Variants in ERMARD observed in about 807,000 individuals in gnomAD.
The protein encoded by ERMARD is endoplasmic reticulum membrane-associated RNA degradation protein.
In ERMARD, 71 loss-of-function variants were observed where a neutral mutation model predicts 83.9. That is an observed-to-expected ratio of 0.85 (90% CI 0.70 to 1.03). The LOEUF (loss-of-function observed/expected upper bound fraction) is 1.03. Ranked by LOEUF, ERMARD falls within the 50% of genes least tolerant of loss-of-function variation. The pLI is 0.00. For missense variants in ERMARD, 838 were observed against 810.9 expected (o/e 1.03, Z -0.41); for synonymous variants, 284 against 298.6 (o/e 0.95, Z 0.50).
At chr6:169,781,218 T>A in intron 17 of ERMARD, 112 bp from the exon 18 acceptor site, 1 of 949,316 alleles carries the variant, frequency 1.1e-6, no homozygotes, top group Non-Finnish European at 1.5e-6. Flanking sequence ...TCCTCAGACA[T>A]AAATTAACTG....
At chr6:169,756,223 G>T in intron 3 of ERMARD, 115 bp from the exon 4 acceptor site, 1 of 515,032 alleles carries the variant, frequency 1.9e-6, no homozygotes. Context: ...CTTATTCACT[G>T]AAAATAAAAT....
At chr6:169,773,064 C>T in intron 12 of ERMARD, 1 of 390,610 alleles carries the variant, frequency 2.6e-6, no homozygotes, top group Non-Finnish European at 4.5e-6. Context: ...TATTCATCTC[C>T]AGTTTTGTGC....
At chr6:169,757,955 C>G (rs903525098) in intron 5 of ERMARD, among the ~76,000 whole-genome samples, 2 of 152,250 alleles carry the variant, frequency 1.3e-5, no homozygotes, top group African/African-American at 2.4e-5. Flanking sequence ...GTGGCCCCTT[C>G]AGCTGCCAGG....
chr6:169,767,730 G>A, intron 10 of ERMARD: 1 of 247,080 alleles, frequency 4.0e-6, no homozygotes, highest in Non-Finnish European at 7.8e-6. Flanking sequence ...ACACACACAG[G>A]CATACACACA....
intron 3 of ERMARD, 165 bp downstream of exon 3, chr6:169,755,587 G>T: frequency 1.3e-6 from 1 of 757,656 alleles, no homozygotes; most frequent in Admixed American, 3.3e-5. Flanking sequence ...GGTCTCCAAA[G>T]CCTGAGCTGA....
chr6:169,756,691 T>C lies in ERMARD; in HGVS notation c.418-28T>C, dbSNP rs560874306. On this transcript the variant is annotated intron_variant, in intron 4 of 17. Coordinates refer to ENST00000366773, the MANE Select transcript of ERMARD (RefSeq NM_018341.3). ...AATGTTTATTGGCTCATAATACAAC[T>C]GTTACACAATTTTTGTTTGAATTTT... 1.6e-5 allele frequency: 25 copies of C among 1,584,024 alleles called. No individual in the cohort carries two copies. The East Asian group carries it at 5.1e-4, about 33-fold the overall frequency.
intron 13 of ERMARD, 151 bp from the exon 14 acceptor site, chr6:169,775,119 G>A (rs1462605645): frequency 2.5e-6 from 2 of 792,482 alleles, no homozygotes; most frequent in Non-Finnish European, 4.0e-6. Flanking sequence ...TGAATGTACT[G>A]AAGAACTGAC....
Position 169,758,858 on chromosome 6 carries a change from C to T in ERMARD, c.508-110C>T, listed in dbSNP as rs1051667621. ...TTTTATTATTACTGCTATATACTAG[C>T]CAAAACTGTTGACTCTCAGTTAAAA... On this transcript the variant is annotated intron_variant, in intron 5 of 17. Coordinates refer to ENST00000366773, the MANE Select transcript of ERMARD (RefSeq NM_018341.3). 18 of 955,410 alleles carry T rather than the reference C, an allele frequency of 1.9e-5. No homozygotes were observed. In the African/African-American group the frequency reaches 2.3e-4, roughly 12 times the overall value. 59.2% of individuals were successfully genotyped at this position (955,410 alleles called of 1,614,324 possible).
At chr6:169,773,213 G>A in intron 12 of ERMARD, 106 bp from the exon 13 acceptor site, 1 of 878,920 alleles carries the variant, frequency 1.1e-6, no homozygotes, top group East Asian at 2.5e-5. Context: ...AGAATTATTT[G>A]AAGAAAGATA....
At position 169,755,265 on chromosome 6, in the gene ERMARD, G is replaced by A. The variant is rs1323707608; in HGVS notation, c.176-18G>A. 6.2e-6 allele frequency: 10 copies of A among 1,610,588 alleles called. No homozygotes were observed. In the Admixed American group the frequency reaches 1.7e-4, roughly 27 times the overall value. On this transcript the variant is annotated intron_variant, in intron 2 of 17. Coordinates refer to ENST00000366773, the MANE Select transcript of ERMARD (RefSeq NM_018341.3). ...ATATGGAGCTATGGTGCTGAAATTT[G>A]TTTTCTTATCCTTTAAGAGCAGGGT...
chr6:169,773,153 C>A (rs1419903726), intron 12 of ERMARD, 166 bp from the exon 13 acceptor site: 1 of 545,658 alleles, frequency 1.8e-6, no homozygotes, highest in South Asian at 2.9e-5. Flanking sequence ...CTGTCATTTG[C>A]CTGCCATGTC....
At chr6:169,754,427 G>A (rs1037118889) in intron 2 of ERMARD, among the ~76,000 whole-genome samples, 1 of 152,168 alleles carries the variant, frequency 6.6e-6, no homozygotes, top group Non-Finnish European at 1.5e-5. Flanking sequence ...TTGGAGCAGA[G>A]ATATAGGTGG....
At position 169,759,847 on chromosome 6, in the gene ERMARD, A is replaced by G. The variant is rs1270836590; in HGVS notation, c.615A>G (p.Ser205=). The G allele has an allele frequency of 6.2e-6, 10 of 1,613,990 alleles. No homozygotes were observed. The highest frequency in any genetic ancestry group is 2.2e-5 in the East Asian group (1 of 44,894). Residue 205 remains serine (S), a synonymous_variant, in exon 7 of 18, where the codon TCA becomes TCG. Coordinates refer to ENST00000366773, the MANE Select transcript of ERMARD (RefSeq NM_018341.3). Reference sequence around the variant, plus strand: ...CTATGGTATTTCCTAGATACTGTTCAATGATGATACTGTTGACGGCAGGAT... The same window carrying G: ...CTATGGTATTTCCTAGATACTGTTCGATGATGATACTGTTGACGGCAGGAT... ...SPEEIPPKYC[S]MMILLTAGLG...
intron 13 of ERMARD, 103 bp from the exon 14 acceptor site, chr6:169,775,167 T>C: frequency 1.7e-6 from 2 of 1,190,282 alleles, no homozygotes; most frequent in Non-Finnish European, 2.4e-6. Context: ...GAATTTGTAA[T>C]AATTTACGTA....
At position 169,759,021 on chromosome 6, in the gene ERMARD, CGTCTTAT is replaced by C. The variant is rs762433145; in HGVS notation, c.563_569del (p.Val188GlyfsTer17). 2.2e-5 allele frequency: 36 copies of C among 1,614,044 alleles called. No individual in the cohort carries two copies. The Admixed American group carries it at 5.0e-4, about 22-fold the overall frequency. ...CTCCGTGTGGTCTCAACCTGCGTAA[CGTCTTAT>C]GGCATGGGTTTGCGTCACCTGAAGA... On this transcript the variant is annotated frameshift_variant, in exon 6 of 18. Transcript: ENST00000366773. LOFTEE classifies it high-confidence loss of function.
At chr6:169,779,647 A>G (rs1793985392) in intron 17 of ERMARD, among the ~76,000 whole-genome samples, 1 of 152,104 alleles carries the variant, frequency 6.6e-6, no homozygotes, top group Admixed American at 6.6e-5. Flanking sequence ...CCATGCCACC[A>G]TACCTGGCTA....
intron 16 of ERMARD, 106 bp downstream of exon 16, chr6:169,776,779 AC>A (rs1228791712): frequency 1.5e-6 from 2 of 1,303,636 alleles, no homozygotes; most frequent in Non-Finnish European, 2.1e-6. Flanking sequence ...CCCTCACTGA[AC>A]CCCATCGACA....
chr6:169,772,721 G>T (rs1475918615), intron 12 of ERMARD, among the ~76,000 whole-genome samples: 1 of 146,138 alleles, frequency 6.8e-6, no homozygotes, highest in Non-Finnish European at 1.5e-5. Context: ...AGTGAGCCGA[G>T]ATCGCGCCAG....
chr6:169,752,762 A>C (rs1397484288), intron 1 of ERMARD, among the ~76,000 whole-genome samples: 1 of 152,288 alleles, frequency 6.6e-6, no homozygotes, highest in South Asian at 2.1e-4. Flanking sequence ...GCAGGTTTAT[A>C]CGATGGTCTT....
Sources: allele counts gnomAD v4.1 joint callset (sites outside exome capture counted in the v4.1 genomes callset), GRCh38; gene constraint gnomAD v4.1.1; transcripts MANE v1.5; gene names NCBI Gene and HGNC (gene_info 2026-07-23, HGNC 2026-07-21).